The following CDC42SE2 variants were observed in gnomAD, a reference collection of about 807,000 sequenced individuals.
CDC42SE2 encodes the protein CDC42 small effector protein 2.
A neutral mutation model predicts 11.5 loss-of-function variants in CDC42SE2; 3 were observed. The observed-to-expected ratio is 0.26, with a 90% CI of 0.12 to 0.67. CDC42SE2 has a LOEUF of 0.67. Among genes scored for constraint, CDC42SE2 ranks in the 30% least tolerant of loss-of-function variants. The pLI, the probability that CDC42SE2 is intolerant of heterozygous loss-of-function variation, is 0.80. For synonymous variants in CDC42SE2, 33 were observed against 34.8 expected (o/e 0.95, Z 0.18); for missense variants, 82 against 106.8 (o/e 0.77, Z 1.02).
chr5:131,237,696 G>A, the CDC42SE2 span, among the ~76,000 whole-genome samples: 4 of 152,110 alleles, frequency 2.6e-5, no homozygotes, highest in Non-Finnish European at 4.4e-5. Context: ...CTCCTGCTCA[G>A]CCTCCTGAAT....
chr5:131,291,598 A>G (rs887138283), intron 1 of CDC42SE2, among the ~76,000 whole-genome samples: 1 of 152,114 alleles, frequency 6.6e-6, no homozygotes, highest in Non-Finnish European at 1.5e-5. Context: ...TAAATCTCCA[A>G]ATTATTGTTT....
intron 2 of CDC42SE2, among the ~76,000 whole-genome samples, chr5:131,347,341 C>A (rs948220069): frequency 6.6e-6 from 1 of 152,096 alleles, no homozygotes; most frequent in African/African-American, 2.4e-5. Context: ...CACAGAAATA[C>A]AGACTACCAT....
the CDC42SE2 span, among the ~76,000 whole-genome samples, chr5:131,218,117 A>C: frequency 6.6e-6 from 1 of 150,856 alleles, no homozygotes; most frequent in Non-Finnish European, 1.5e-5. Context: ...TCAAGGCTGC[A>C]ATGAGACATG....
rs565448492 is a variant in CDC42SE2 at position 131,379,389 on chromosome 5, T to C, written c.55-6154T>C. Among the ~76,000 whole-genome samples, 67 of 152,308 alleles carry C rather than the reference T, an allele frequency of 4.4e-4. 1 individual carries two copies. In the South Asian group the frequency reaches 8.5e-3, roughly 19 times the overall value. On this transcript the variant is annotated intron_variant, in intron 3 of 4. Coordinates refer to ENST00000505065, the MANE Select transcript of CDC42SE2 (RefSeq NM_001375635.1). Reference sequence around the variant, plus strand: ...GCCCAGAGAATAGTCTTTGGGAAAGTTTTAACTTTTAAGTGATGATGTAAT... The same window carrying C: ...GCCCAGAGAATAGTCTTTGGGAAAGCTTTAACTTTTAAGTGATGATGTAAT...
chr5:131,287,258 G>A (rs1232346047), intron 1 of CDC42SE2, among the ~76,000 whole-genome samples: 1 of 152,194 alleles, frequency 6.6e-6, no homozygotes, highest in Non-Finnish European at 1.5e-5. Flanking sequence ...GCCTCCCAAA[G>A]TGCTGGGATT....
At chr5:131,325,120 A>T (rs898032685) in intron 2 of CDC42SE2, among the ~76,000 whole-genome samples, 4 of 152,176 alleles carry the variant, frequency 2.6e-5, no homozygotes, top group African/African-American at 7.2e-5. Flanking sequence ...TCCCTCTTAT[A>T]ATAAGAAATA....
intron 2 of CDC42SE2, among the ~76,000 whole-genome samples, chr5:131,349,786 T>G (rs1758955059): frequency 6.6e-6 from 1 of 152,194 alleles, no homozygotes; most frequent in Non-Finnish European, 1.5e-5. Flanking sequence ...GAGATAAAAT[T>G]AGGAATAATT....
intron 1 of CDC42SE2, among the ~76,000 whole-genome samples, chr5:131,307,555 G>T (rs1757805703): frequency 6.6e-6 from 1 of 152,132 alleles, no homozygotes; most frequent in African/African-American, 2.4e-5. Context: ...ATAGCAGCAT[G>T]ATTTATAATC....
At chr5:131,387,103 T>G (rs952236966) in intron 4 of CDC42SE2, among the ~76,000 whole-genome samples, 2 of 152,228 alleles carry the variant, frequency 1.3e-5, no homozygotes, top group African/African-American at 4.8e-5. Flanking sequence ...TGCATCAACA[T>G]AGAGTGAAAA....
At chr5:131,212,928 C>A in the CDC42SE2 span, among the ~76,000 whole-genome samples, 1 of 152,196 alleles carries the variant, frequency 6.6e-6, no homozygotes, top group Non-Finnish European at 1.5e-5. Flanking sequence ...TGGTGGCTCA[C>A]ACCTATAATC....
At chr5:131,337,076 G>C (rs1758584418) in intron 2 of CDC42SE2, among the ~76,000 whole-genome samples, 1 of 152,140 alleles carries the variant, frequency 6.6e-6, no homozygotes, top group Non-Finnish European at 1.5e-5. Flanking sequence ...TTTCTGCTCT[G>C]TTTTTTCCGC....
At chr5:131,360,059 T>C (rs1204702213) in intron 3 of CDC42SE2, among the ~76,000 whole-genome samples, 1 of 152,226 alleles carries the variant, frequency 6.6e-6, no homozygotes, top group African/African-American at 2.4e-5. Context: ...ATGCCTTGTT[T>C]TTGTGCCCTC....
intron 1 of CDC42SE2, among the ~76,000 whole-genome samples, chr5:131,291,700 A>T (rs1265864483): frequency 6.6e-6 from 1 of 152,206 alleles, no homozygotes; most frequent in African/African-American, 2.4e-5. Flanking sequence ...ACATCTAAGT[A>T]ATCTTGCAAG....
upstream of CDC42SE2, chr5:131,263,607 C>T (rs1413801237): frequency 2.0e-5 from 3 of 152,260 alleles, no homozygotes; most frequent in Non-Finnish European, 4.4e-5. Context: ...AGAGACCCCT[C>T]ATCCCACAAC....
intron 1 of CDC42SE2, among the ~76,000 whole-genome samples, chr5:131,272,886 C>G (rs1006196225): frequency 2.0e-5 from 3 of 152,140 alleles, no homozygotes; most frequent in African/African-American, 7.2e-5. Flanking sequence ...GTTCTCAAGC[C>G]TAATCTCAGT....
chr5:131,314,497 T>C (rs1758000193), intron 1 of CDC42SE2, among the ~76,000 whole-genome samples: 1 of 152,164 alleles, frequency 6.6e-6, no homozygotes, highest in Non-Finnish European at 1.5e-5. Flanking sequence ...CACCCTGGCC[T>C]CCCAGAGTGC....
intron 2 of CDC42SE2, among the ~76,000 whole-genome samples, chr5:131,352,041 C>T (rs1749342435): frequency 6.6e-6 from 1 of 152,118 alleles, no homozygotes; most frequent in Non-Finnish European, 1.5e-5. Context: ...CATGAAAAGA[C>T]TTAATATCAC....
chr5:131,241,560 A>G (rs1042641964), upstream of CDC42SE2, among the ~76,000 whole-genome samples: 11 of 151,910 alleles, frequency 7.2e-5, no homozygotes, highest in Middle Eastern at 3.2e-3. Flanking sequence ...TTTACTCTTA[A>G]TTCATGTTTA....
At chr5:131,267,269 T>G (rs1346925621) in intron 1 of CDC42SE2, among the ~76,000 whole-genome samples, 3 of 151,946 alleles carry the variant, frequency 2.0e-5, no homozygotes, top group Non-Finnish European at 4.4e-5. Flanking sequence ...TGGCCATCCA[T>G]GATGGTCTCG....
Sources: gnomAD v4.1 joint callset for allele counts (sites outside exome capture counted in the v4.1 genomes callset) on GRCh38, gnomAD v4.1.1 for gene constraint, MANE v1.5 for transcripts, NCBI Gene and HGNC (gene_info 2026-07-23, HGNC 2026-07-21) for gene names.